The following JAKMIP3 variants were observed in gnomAD, a reference collection of about 807,000 sequenced individuals.
The protein encoded by JAKMIP3 is Janus kinase and microtubule interacting protein 3.
A neutral mutation model predicts 118.5 loss-of-function variants in JAKMIP3; 58 were observed. That is an observed-to-expected ratio of 0.49 (90% CI 0.40 to 0.61). The LOEUF (loss-of-function observed/expected upper bound fraction) is 0.61. Ranked by LOEUF, JAKMIP3 falls within the 20% of genes least tolerant of loss-of-function variation. The pLI is 0.00. For synonymous variants in JAKMIP3, 486 were observed against 451.2 expected, an observed-to-expected ratio of 1.08 and a Z score of -0.98; for missense variants, 950 against 1,109.0, an observed-to-expected ratio of 0.86 and a Z score of 2.04.
intron 23 of JAKMIP3, among the ~76,000 whole-genome samples, chr10:132,175,089 A>C: frequency 6.6e-6 from 1 of 152,200 alleles, no homozygotes; most frequent in South Asian, 2.1e-4. Flanking sequence ...TCATTTAAAG[A>C]GCAGAAATTC....
In JAKMIP3 at chr10:132,168,535, A is replaced by G; in HGVS notation, c.*605A>G. On this transcript the variant is annotated 3_prime_UTR_variant, in exon 23 of 24. Transcript: ENST00000684848. ...CTGGGGTCCTGAGCACCCGCTGGCC[A>G]ACAGACCCCACATCCACCCTCGTTC... 2.2e-6 allele frequency: 1 copy of G among 460,448 alleles called. No homozygotes were observed. The highest frequency in any genetic ancestry group is 3.7e-6 in the Non-Finnish European group (1 of 273,316). The allele number at this position is 460,448 out of a possible 1,614,324, so 28.5% of individuals were successfully genotyped here. A position where few individuals can be genotyped will look rare whatever the true frequency, so the allele number is the denominator to read the frequency against.
At chr10:132,040,801 C>T (rs1183601244) in intron 1 of JAKMIP3, among the ~76,000 whole-genome samples, 1 of 152,040 alleles carries the variant, frequency 6.6e-6, no homozygotes, top group Non-Finnish European at 1.5e-5. Context: ...GGAGGTTATT[C>T]CTCTCACTTA....
chr10:132,165,673 C>G (rs781704858), intron 21 of JAKMIP3, among the ~76,000 whole-genome samples: 35 of 152,228 alleles, frequency 2.3e-4, no homozygotes, highest in Non-Finnish European at 3.1e-4. Flanking sequence ...CCAGGAGAGA[C>G]CGGGTCCCTC....
At chr10:132,073,877 G>A (rs9419343) in intron 1 of JAKMIP3, among the ~76,000 whole-genome samples, 11,880 of 152,060 alleles carry the variant, frequency 0.078, 604 homozygotes, top group East Asian at 0.31. Flanking sequence ...CTTTCCTGTT[G>A]GGTAGATACC....
rs138316055 is a variant in JAKMIP3, at chr10:132,052,786, C to G, written c.-138+16048C>G. ...GTTTTCTACTCCATGAAGTTATTTTCAAGCTTGTAACTTATTTCTTCAAAG... is the reference window on the plus strand; with the variant it reads ...GTTTTCTACTCCATGAAGTTATTTTGAAGCTTGTAACTTATTTCTTCAAAG... On this transcript the variant is annotated intron_variant, in intron 1 of 23. Coordinates refer to the JAKMIP3 transcript ENST00000657785. 8.7e-3 allele frequency among the ~76,000 whole-genome samples: 1,330 copies of G among 152,186 alleles called. 11 individuals carry two copies. Among genetic ancestry groups the G allele is most frequent in the Non-Finnish European group, 0.012 (829 of 67,996 alleles).
intron 1 of JAKMIP3, among the ~76,000 whole-genome samples, chr10:132,072,996 GTATT>G (rs2040213390): frequency 6.6e-6 from 1 of 152,102 alleles, no homozygotes; most frequent in Non-Finnish European, 1.5e-5. Flanking sequence ...GTGAGAACGT[GTATT>G]TATTTGACTT....
chr10:132,040,090 C>T (rs966833471), intron 1 of JAKMIP3, among the ~76,000 whole-genome samples: 2 of 152,184 alleles, frequency 1.3e-5, no homozygotes, highest in Non-Finnish European at 1.5e-5. Flanking sequence ...TCACAGGTTG[C>T]GCTCTGACCC....
At chr10:132,125,702 A>G (rs1052986435) in intron 3 of JAKMIP3, among the ~76,000 whole-genome samples, 1 of 152,194 alleles carries the variant, frequency 6.6e-6, no homozygotes, top group African/African-American at 2.4e-5. Context: ...CATTATTATA[A>G]TTATTCCTAA....
At chr10:132,159,244 G>A (rs1463928012) in intron 19 of JAKMIP3, among the ~76,000 whole-genome samples, 2 of 130,936 alleles carry the variant, frequency 1.5e-5, no homozygotes, top group Non-Finnish European at 3.2e-5. Context: ...GATGCTGGGG[G>A]GGCCTCTCCC....
chr10:132,105,148 T>C (rs2045710645), intron 2 of JAKMIP3, among the ~76,000 whole-genome samples: 1 of 151,996 alleles, frequency 6.6e-6, no homozygotes, highest in Non-Finnish European at 1.5e-5. Context: ...GGTGCCGTGG[T>C]GGTGACCGCA....
At chr10:132,103,799 C>T (rs80311154) in intron 1 of JAKMIP3, among the ~76,000 whole-genome samples, 5,323 of 152,062 alleles carry the variant, frequency 0.035, 146 homozygotes, top group South Asian at 0.13. Flanking sequence ...TGTGTATTTA[C>T]GGCCACTCCC....
At chr10:132,122,352 CT>C (rs2048718522) in intron 3 of JAKMIP3, among the ~76,000 whole-genome samples, 1 of 152,274 alleles carries the variant, frequency 6.6e-6, no homozygotes, top group Admixed American at 6.5e-5. Context: ...GCACCCCAGC[CT>C]TGGCCCAGAC....
In JAKMIP3 at chr10:132,044,386, C is replaced by T. The variant is rs749270893; in HGVS notation, c.-138+7648C>T. On this transcript the variant is annotated intron_variant, in intron 1 of 23. Transcript: ENST00000657785. This position sits in a 1 kb window ranked among gnomAD's most constrained non-coding sequence, Gnocchi z 5.3. ...TGCAAACAGGTCATCTTAGCAGTGA[C>T]CACTGCCACCAACGAGTTGTCACAA... 1.3e-5 allele frequency among the ~76,000 whole-genome samples: 2 copies of T among 152,208 alleles called. No individual in the cohort carries two copies. Among genetic ancestry groups the T allele is most frequent in the African/African-American group, 4.8e-5 (2 of 41,464 alleles).
At chr10:132,119,761 C>G (rs2048250974) in intron 3 of JAKMIP3, among the ~76,000 whole-genome samples, 1 of 152,122 alleles carries the variant, frequency 6.6e-6, no homozygotes, top group Admixed American at 6.5e-5. Context: ...GGTTTTTAAC[C>G]AAACTGTTCA....
At chr10:132,103,995 C>T (rs9419198) in intron 1 of JAKMIP3, among the ~76,000 whole-genome samples, 28,653 of 152,138 alleles carry the variant, frequency 0.19, 2,793 homozygotes, top group East Asian at 0.29. Flanking sequence ...CTTCTGTGAC[C>T]GGCTCATTTC....
intron 23 of JAKMIP3, among the ~76,000 whole-genome samples, chr10:132,171,654 T>C (rs868421139): frequency 3.1e-4 from 30 of 96,450 alleles, no homozygotes; most frequent in African/African-American, 9.1e-4. Context: ...TTTTCTTTCT[T>C]TTTTTTTTTT....
Position 132,109,698 on chromosome 10 carries a change from T to A in JAKMIP3, c.135+4755T>A, listed in dbSNP as rs138034490. On this transcript the variant is annotated intron_variant, in intron 2 of 23. Transcript: ENST00000684848. Reference sequence around the variant, plus strand: ...CCATAAATGGAATATCCCATCTGAGTTGACCTTCGAGTCTTCCTGAGTGGG... The same window carrying A: ...CCATAAATGGAATATCCCATCTGAGATGACCTTCGAGTCTTCCTGAGTGGG... Among the ~76,000 whole-genome samples, 1,341 of 152,288 alleles carry A rather than the reference T, an allele frequency of 8.8e-3. 11 individuals carry two copies. The highest frequency in any genetic ancestry group is 0.014 in the Non-Finnish European group (939 of 68,020).
Position 132,180,736 on chromosome 10 carries a change from T to TGTGTGC in JAKMIP3, c.*1104-1620_*1104-1619insTGTGCG, listed in dbSNP as rs1331882918. 1.7e-3 allele frequency among the ~76,000 whole-genome samples: 19 copies of TGTGTGC among 11,326 alleles called. 4 individuals carry two copies. The East Asian group carries it at 0.021, about 13-fold the overall frequency. The allele number at this position is 11,326 out of a possible 152,430, so 7.4% of individuals were successfully genotyped here. ...GTGTGTGTGCGTGTGTGTGCGTGTGTGCGTGCGTGCGCGCGCGTGTGTGCG... is the reference window on the plus strand; with the variant it reads ...GTGTGTGTGCGTGTGTGTGCGTGTGTGTGTGCGCGTGCGTGCGCGCGCGTGTGTGCG... On this transcript the variant is annotated intron_variant, in intron 23 of 23. Transcript: ENST00000684848.
chr10:132,180,710 CGTGT>C (rs1200016178), intron 23 of JAKMIP3, among the ~76,000 whole-genome samples: 121 of 9,470 alleles, frequency 0.013, 19 homozygotes, highest in South Asian at 0.045. Context: ...TGTGTGTGCG[CGTGT>C]GTGTGCGTGT....
Sources: gnomAD v4.1 joint callset for allele counts (sites outside exome capture counted in the v4.1 genomes callset) on GRCh38, gnomAD v4.1.1 for gene constraint, Gnocchi (gnomAD v3.1) non-coding constraint, MANE v1.5 for transcripts, NCBI Gene and HGNC (gene_info 2026-07-23, HGNC 2026-07-21) for gene names.